ATRNL1: variants seen among roughly 807,000 people sequenced by gnomAD.
ATRNL1 encodes attractin-like protein 1.
In ATRNL1, 95 loss-of-function variants were observed where a neutral mutation model predicts 182.7. The ratio of observed to expected loss-of-function variants is 0.52; its 90% CI spans 0.44 to 0.62. The LOEUF (loss-of-function observed/expected upper bound fraction) is 0.62, where lower values mean the gene tolerates loss of function less well. Among genes scored for constraint, ATRNL1 ranks in the 20% least tolerant of loss-of-function variants. ATRNL1 has a pLI of 0.00. For synonymous variants in ATRNL1, 576 were observed against 568.3 expected (o/e 1.01, Z -0.19); for missense variants, 1,471 against 1,679.5 (o/e 0.88, Z 2.17).
intron 27 of ATRNL1, among the ~76,000 whole-genome samples, chr10:115,809,461 A>T (rs1203643583): frequency 1.3e-5 from 2 of 152,124 alleles, no homozygotes; most frequent in Non-Finnish European, 2.9e-5. Flanking sequence ...GTTAAATAAT[A>T]TTACCTCTTT....
At chr10:115,169,206 C>CTTT (rs781950574) in intron 7 of ATRNL1, among the ~76,000 whole-genome samples, 4 of 125,976 alleles carry the variant, frequency 3.2e-5, no homozygotes, top group African/African-American at 1.2e-4. Context: ...GTTTTGATTA[C>CTTT]TTTTTTTTTT....
At chr10:115,533,117 A>G (rs1851702317) in intron 25 of ATRNL1, among the ~76,000 whole-genome samples, 1 of 152,242 alleles carries the variant, frequency 6.6e-6, no homozygotes, top group African/African-American at 2.4e-5. Flanking sequence ...TGCTGGCCTC[A>G]TAATGAGTTA....
intron 26 of ATRNL1, among the ~76,000 whole-genome samples, chr10:115,629,581 G>A (rs1858347356): frequency 6.6e-6 from 1 of 152,082 alleles, no homozygotes; most frequent in African/African-American, 2.4e-5. Context: ...AAATAAATGA[G>A]GAAATGTTTT....
chr10:115,727,400 T>G (rs2286631), intron 27 of ATRNL1, 45 bp downstream of exon 27: 589,291 of 1,404,776 alleles, frequency 0.42, 130,858 homozygotes, highest in East Asian at 0.78. Context: ...CTTTGCATAT[T>G]TATTATATTG....
chr10:115,602,786 G>A (rs11197334), intron 26 of ATRNL1, among the ~76,000 whole-genome samples: 60,264 of 150,710 alleles, frequency 0.4, 12,837 homozygotes, highest in Middle Eastern at 0.48. Flanking sequence ...CCCAGGAGGC[G>A]AAGTTTGCAG....
intron 15 of ATRNL1, among the ~76,000 whole-genome samples, chr10:115,292,327 A>G (rs1852956559): frequency 6.6e-6 from 1 of 151,466 alleles, no homozygotes; most frequent in South Asian, 2.1e-4. Flanking sequence ...GATCTTCTGT[A>G]TTATTTTAGT....
chr10:115,287,893 T>C (rs1300307433), intron 15 of ATRNL1, among the ~76,000 whole-genome samples: 2 of 150,586 alleles, frequency 1.3e-5, no homozygotes, highest in African/African-American at 4.9e-5. Flanking sequence ...CTAGTACCTC[T>C]CCTCTACATT....
intron 18 of ATRNL1, among the ~76,000 whole-genome samples, chr10:115,318,452 C>T (rs1481219151): frequency 6.6e-6 from 1 of 152,094 alleles, no homozygotes; most frequent in Non-Finnish European, 1.5e-5. Context: ...GGAATAGTTT[C>T]AGCAGGAATG....
At chr10:115,660,439 A>G (rs1161939367) in intron 26 of ATRNL1, among the ~76,000 whole-genome samples, 1 of 152,134 alleles carries the variant, frequency 6.6e-6, no homozygotes. Flanking sequence ...AGTGGGCTTG[A>G]GTTTTATGAG....
chr10:115,288,802 A>G (rs1554919969), intron 15 of ATRNL1, among the ~76,000 whole-genome samples: 3 of 152,094 alleles, frequency 2.0e-5, no homozygotes, highest in Non-Finnish European at 4.4e-5. Flanking sequence ...GATTACAGGC[A>G]TGAGCCACCG....
At chr10:115,826,535 G>A (rs1325645366) in intron 27 of ATRNL1, among the ~76,000 whole-genome samples, 2 of 152,174 alleles carry the variant, frequency 1.3e-5, no homozygotes, top group Non-Finnish European at 1.5e-5. Context: ...CTCACCTCCT[G>A]CAGCTGGTGA....
At chr10:115,280,407 GA>G (rs1852307351) in intron 13 of ATRNL1, among the ~76,000 whole-genome samples, 1 of 152,158 alleles carries the variant, frequency 6.6e-6, no homozygotes, top group Admixed American at 6.5e-5. Flanking sequence ...GAGAAAAGAG[GA>G]AAAGGACCAT....
chr10:115,857,825 G>A (rs782676393), intron 28 of ATRNL1, among the ~76,000 whole-genome samples: 17 of 152,122 alleles, frequency 1.1e-4, no homozygotes, highest in Non-Finnish European at 2.4e-4. Flanking sequence ...GACAAATCAG[G>A]ATTCATGGAA....
intron 26 of ATRNL1, among the ~76,000 whole-genome samples, chr10:115,649,630 A>G (rs1555033763): frequency 6.6e-6 from 1 of 152,150 alleles, no homozygotes; most frequent in Non-Finnish European, 1.5e-5. Flanking sequence ...TGGGGAAATG[A>G]CTGTGCATTT....
In ATRNL1 at chr10:115,266,870, AAGGC is replaced by A; in HGVS notation, c.1847_1850del (p.Lys616IlefsTer15). 1 of 1,612,300 alleles carries A rather than the reference AAGGC, an allele frequency of 6.2e-7. No individual in the cohort carries two copies. Among genetic ancestry groups the A allele is most frequent in the Non-Finnish European group, 8.5e-7 (1 of 1,178,796 alleles). On this transcript the variant is annotated frameshift_variant, in exon 12 of 29. Coordinates refer to ENST00000355044, the MANE Select transcript of ATRNL1 (RefSeq NM_207303.4). LOFTEE classifies it high-confidence loss of function. ...CCTTGTATACAAGCCTCCAAATTGC[AAGGC>A]TTTCAGAGATGAAGAACTTTGTAAA...
chr10:115,784,293 A>C (rs2134196132), intron 27 of ATRNL1, among the ~76,000 whole-genome samples: 1 of 152,314 alleles, frequency 6.6e-6, no homozygotes, highest in Non-Finnish European at 1.5e-5. Context: ...AAAAGACGTG[A>C]GTCTTGCCTT....
At chr10:115,410,388 C>G (rs1418695225) in intron 20 of ATRNL1, among the ~76,000 whole-genome samples, 1 of 151,072 alleles carries the variant, frequency 6.6e-6, no homozygotes. Context: ...GTGGCACAAT[C>G]TTGGCTCACT....
At chr10:115,119,623 G>C (rs1554870998) in intron 1 of ATRNL1, among the ~76,000 whole-genome samples, 1 of 150,768 alleles carries the variant, frequency 6.6e-6, no homozygotes, top group South Asian at 2.1e-4. Context: ...TTTTTTATTT[G>C]TCCTGTTTTA....
Position 115,268,354 on chromosome 10 carries a change from T to C in ATRNL1, c.2010T>C (p.Tyr670=), listed in dbSNP as rs1369382049. Residue 670 remains tyrosine, a synonymous_variant, in exon 13 of 29, where the codon TAT becomes TAC. Transcript: ENST00000355044. ...CTTCTGATGACAGATGTTACAGATA[T>C]GCAGATTGTGCCAGCTGTACTGCCA... The part of the protein sequence containing the change: ...TAASDDRCYR[Y]ADCASCTANT... 8 of 1,613,166 alleles carry C rather than the reference T, an allele frequency of 5.0e-6. No individual in the cohort carries two copies. The African/African-American group carries it at 5.3e-5, about 11-fold the overall frequency.
Sources: gnomAD v4.1 joint callset for allele counts (sites outside exome capture counted in the v4.1 genomes callset) on GRCh38, gnomAD v4.1.1 for gene constraint, MANE v1.5 for transcripts, NCBI Gene and HGNC (gene_info 2026-07-23, HGNC 2026-07-21) for gene names.